Variants in AGMO observed in about 807,000 individuals in gnomAD.
AGMO encodes the protein glyceryl-ether monooxygenase.
A neutral mutation model predicts 60.2 loss-of-function variants in AGMO; 75 were observed. That is an observed-to-expected ratio of 1.25 (90% CI 1.03 to 1.51). AGMO has a LOEUF of 1.51. AGMO is among the 40% of genes most tolerant of loss of function. AGMO has a pLI of 0.00. For synonymous variants in AGMO, 261 were observed against 177.1 expected (o/e 1.47, Z -3.76); for missense variants, 763 against 525.5 (o/e 1.45, Z -4.42).
At chr7:15,381,373 C>G (rs920548565) in intron 10 of AGMO, among the ~76,000 whole-genome samples, 8 of 150,650 alleles carry the variant, frequency 5.3e-5, no homozygotes, top group African/African-American at 1.9e-4. Flanking sequence ...GCGAAGAACA[C>G]GAACCTTTCA....
At chr7:15,373,301 A>G (rs1322667528) in intron 10 of AGMO, among the ~76,000 whole-genome samples, 1 of 151,928 alleles carries the variant, frequency 6.6e-6, no homozygotes. Flanking sequence ...ATTATTTGGT[A>G]GCTCGTTTTC....
At chr7:15,433,596 A>G (rs1015523152) in intron 3 of AGMO, among the ~76,000 whole-genome samples, 5 of 152,122 alleles carry the variant, frequency 3.3e-5, no homozygotes, top group Non-Finnish European at 5.9e-5. Context: ...TTATATGATC[A>G]TCTTCCCTAA....
At chr7:15,354,393 T>C (rs371741637) in intron 12 of AGMO, among the ~76,000 whole-genome samples, 713 of 41,006 alleles carry the variant, frequency 0.017, 69 homozygotes, top group African/African-American at 0.042. Context: ...CGTGTGTGTA[T>C]ACACGTGTGT....
intron 12 of AGMO, among the ~76,000 whole-genome samples, chr7:15,229,694 CTA>C (rs1490122702): frequency 7.0e-6 from 1 of 142,546 alleles, no homozygotes; most frequent in African/African-American, 2.7e-5. Context: ...ATATATATAA[CTA>C]ATTATTTATA....
chr7:15,253,562 T>C (rs536053859), intron 12 of AGMO, among the ~76,000 whole-genome samples: 62 of 152,290 alleles, frequency 4.1e-4, no homozygotes, highest in African/African-American at 1.4e-3. Context: ...TACATCTTTT[T>C]TTAAAATGGA....
intron 12 of AGMO, among the ~76,000 whole-genome samples, chr7:15,338,283 TGGA>T (rs1411629845): frequency 5.3e-5 from 8 of 152,162 alleles, no homozygotes; most frequent in African/African-American, 1.7e-4. Flanking sequence ...TTTCATCACC[TGGA>T]GAAGAAAAGG....
the AGMO span, among the ~76,000 whole-genome samples, chr7:15,187,384 G>A: frequency 1.3e-5 from 2 of 152,164 alleles, no homozygotes; most frequent in African/African-American, 2.4e-5. Flanking sequence ...GGAAAATAAC[G>A]ATTTGCATTT....
chr7:15,226,808 T>C (rs1292095597), intron 12 of AGMO, among the ~76,000 whole-genome samples: 2 of 152,076 alleles, frequency 1.3e-5, no homozygotes, highest in Non-Finnish European at 2.9e-5. Context: ...TATAACTCAC[T>C]ATTAAAGTCA....
intron 3 of AGMO, among the ~76,000 whole-genome samples, chr7:15,525,537 C>T (rs1784105846): frequency 6.6e-6 from 1 of 152,108 alleles, no homozygotes; most frequent in East Asian, 1.9e-4. Context: ...GAGAGAGACC[C>T]CGCTGAGATC....
intron 4 of AGMO, among the ~76,000 whole-genome samples, chr7:15,422,271 C>T (rs757921402): frequency 6.7e-6 from 1 of 150,184 alleles, no homozygotes; most frequent in East Asian, 1.9e-4. Context: ...GAGATATTAC[C>T]TGTTTATTTT....
At chr7:15,145,998 AAAATTAAACAATTTT>A in the AGMO span, among the ~76,000 whole-genome samples, 54 of 152,258 alleles carry the variant, frequency 3.5e-4, no homozygotes, top group African/African-American at 1.3e-3. Flanking sequence ...TTTACTTAAG[AAAATTAAACAATTTT>A]TATTCATGGA....
intron 3 of AGMO, among the ~76,000 whole-genome samples, chr7:15,529,655 T>TCTGTATACAGAATATATATA (rs1784239668): frequency 2.8e-4 from 2 of 7,184 alleles, no homozygotes; most frequent in African/African-American, 7.6e-4. Flanking sequence ...TACTATATAT[T>TCTGTATACAGAATATATATA]CTATATATAT....
At chr7:15,122,842 T>C in the AGMO span, among the ~76,000 whole-genome samples, 1 of 152,134 alleles carries the variant, frequency 6.6e-6, no homozygotes, top group African/African-American at 2.4e-5. Flanking sequence ...CTGATTTCTA[T>C]ATTCTGCTTT....
At chr7:15,527,380 A>C (rs1457419764) in intron 3 of AGMO, among the ~76,000 whole-genome samples, 1 of 152,160 alleles carries the variant, frequency 6.6e-6, no homozygotes, top group Non-Finnish European at 1.5e-5. Flanking sequence ...ACTAGCCACA[A>C]TTTCCTTTGG....
intron 12 of AGMO, among the ~76,000 whole-genome samples, chr7:15,355,504 C>CAAAAA (rs56695710): frequency 0.015 from 1,253 of 81,320 alleles, 53 homozygotes; most frequent in Middle Eastern, 0.053. Context: ...GACTCTGTCT[C>CAAAAA]AAAAAAAAAA....
At chr7:15,359,429 T>C (rs909442129) in intron 12 of AGMO, among the ~76,000 whole-genome samples, 4 of 152,208 alleles carry the variant, frequency 2.6e-5, no homozygotes, top group Admixed American at 6.5e-5. Context: ...AGTGAAAACA[T>C]TTCATTTAAA....
chr7:15,300,300 G>A (rs538900547), intron 12 of AGMO, among the ~76,000 whole-genome samples: 2 of 152,196 alleles, frequency 1.3e-5, no homozygotes, highest in African/African-American at 4.8e-5. Context: ...TAGCAAAACT[G>A]GTTAGTGTCT....
intron 6 of AGMO, 75 bp from the exon 7 acceptor site, chr7:15,390,980 T>A: frequency 1.3e-6 from 1 of 787,592 alleles, no homozygotes; most frequent in Non-Finnish European, 2.0e-6. Context: ...TCTTGTTTTT[T>A]AGAATATATT....
At chr7:15,202,275 G>T (rs190605460) in intron 12 of AGMO, among the ~76,000 whole-genome samples, 1 of 151,792 alleles carries the variant, frequency 6.6e-6, no homozygotes, top group East Asian at 1.9e-4. Flanking sequence ...AATATACAAA[G>T]AGAGAACATT....
Sources: allele counts gnomAD v4.1 joint callset (sites outside exome capture counted in the v4.1 genomes callset), GRCh38; gene constraint gnomAD v4.1.1; transcripts MANE v1.5; gene names NCBI Gene and HGNC (gene_info 2026-07-23, HGNC 2026-07-21).